Variants in CHKA observed in about 807,000 individuals in gnomAD.
The protein encoded by CHKA is choline kinase alpha.
A neutral mutation model predicts 60.1 loss-of-function variants in CHKA; 34 were observed. That is an observed-to-expected ratio of 0.57 (90% CI 0.43 to 0.75). The LOEUF (loss-of-function observed/expected upper bound fraction) is 0.75, where lower values mean the gene tolerates loss of function less well. Among genes scored for constraint, CHKA ranks in the 30% least tolerant of loss-of-function variants. The probability of loss-of-function intolerance (pLI) is 0.00; values close to 1 mark genes in which losing one functional copy is unlikely to be tolerated. For synonymous variants in CHKA, 217 were observed against 223.1 expected, an observed-to-expected ratio of 0.97 and a Z score of 0.24; for missense variants, 563 against 561.3, an observed-to-expected ratio of 1.00 and a Z score of -0.03.
chr11:68,095,783 T>C (rs1387718258), intron 2 of CHKA, among the ~76,000 whole-genome samples: 2 of 139,426 alleles, frequency 1.4e-5, no homozygotes, highest in Non-Finnish European at 3.1e-5. Flanking sequence ...GGCTCACACC[T>C]GTAATCCCAG....
At chr11:68,066,348 T>G in intron 8 of CHKA, 81 bp downstream of exon 8, 1 of 1,235,826 alleles carries the variant, frequency 8.1e-7, no homozygotes, top group South Asian at 1.3e-5. Context: ...TTTTGACTTA[T>G]TTTCTCTAAT....
chr11:68,055,679 A>G (rs1394869919), intron 11 of CHKA, among the ~76,000 whole-genome samples: 1 of 152,212 alleles, frequency 6.6e-6, no homozygotes. Context: ...ATGACTAATT[A>G]TACAAAACAC....
chr11:68,120,957 G>C lies in CHKA; in HGVS notation c.221C>G (p.Pro74Arg). The C allele has an allele frequency of 8.6e-7, 1 of 1,156,882 alleles. No homozygotes were observed. Among genetic ancestry groups the C allele is most frequent in the Non-Finnish European group, 1.1e-6 (1 of 936,896 alleles). 71.7% of individuals were successfully genotyped at this position (1,156,882 alleles called of 1,614,324 possible). A position where few individuals can be genotyped will look rare whatever the true frequency, so the allele number is the denominator to read the frequency against. ...PLPLPLPQPP[P>R]PQPPADEQPE... ...CTGCTCGTCTGCGGGCGGCTGCGGC[G>C]GCGGGGGCTGGGGCAGCGGCAGCGG... Residue 74 changes from proline to arginine, a missense_variant, in exon 1 of 12, where the codon CCG (proline) becomes CGG (arginine). By Grantham distance (103) the Pro-to-Arg change is moderately radical (BLOSUM62 -2). Transcript: ENST00000265689.
chr11:68,076,996 G>A (rs567359297), intron 3 of CHKA, among the ~76,000 whole-genome samples: 3 of 152,250 alleles, frequency 2.0e-5, no homozygotes, highest in East Asian at 3.9e-4. Flanking sequence ...CCAGCATTTC[G>A]GGAGGCTGAG....
intron 7 of CHKA, 125 bp from the exon 8 acceptor site, chr11:68,066,641 T>C (rs776301715): frequency 4.0e-6 from 3 of 757,696 alleles, no homozygotes; most frequent in African/African-American, 3.5e-5. Context: ...TTTTGGTCTG[T>C]GGACATCACC....
intron 1 of CHKA, among the ~76,000 whole-genome samples, chr11:68,105,158 A>G (rs541144701): frequency 4.6e-5 from 7 of 152,184 alleles, no homozygotes; most frequent in African/African-American, 1.7e-4. Context: ...CTATAAAACA[A>G]GAAAAACCCA....
intron 1 of CHKA, among the ~76,000 whole-genome samples, chr11:68,109,558 G>A (rs1029652180): frequency 1.2e-4 from 18 of 152,140 alleles, no homozygotes; most frequent in African/African-American, 4.1e-4. Flanking sequence ...CCACCTAAGC[G>A]GGGAGGAGAA....
At position 68,070,309 on chromosome 11, in the gene CHKA, C is replaced by A; in HGVS notation, c.765-16G>T. On this transcript the variant is annotated splice_polypyrimidine_tract_variant and intron_variant, in intron 5 of 11. Transcript: ENST00000265689. Reference sequence around the variant, plus strand: ...CTTTAGATACCTATTAAAAAATTTTCAAAAAAGAACAGAACAAAGAATCAC... The same window carrying A: ...CTTTAGATACCTATTAAAAAATTTTAAAAAAAGAACAGAACAAAGAATCAC... 6.6e-7 allele frequency: 1 copy of A among 1,509,890 alleles called. No homozygotes were observed. Among genetic ancestry groups the A allele is most frequent in the South Asian group, 1.1e-5 (1 of 88,182 alleles). 93.5% of individuals were successfully genotyped at this position (1,509,890 alleles called of 1,614,324 possible).
chr11:68,102,985 A>G (rs1857782297), intron 1 of CHKA, among the ~76,000 whole-genome samples: 2 of 151,658 alleles, frequency 1.3e-5, no homozygotes, highest in African/African-American at 4.9e-5. Context: ...AAAAAAAAAA[A>G]TATATTTGCC....
At chr11:68,080,191 C>T (rs1856934638) in intron 3 of CHKA, among the ~76,000 whole-genome samples, 1 of 152,152 alleles carries the variant, frequency 6.6e-6, no homozygotes, top group Non-Finnish European at 1.5e-5. Context: ...AAGGACTTCC[C>T]AGTCACTGTC....
intron 2 of CHKA, among the ~76,000 whole-genome samples, chr11:68,090,887 A>G (rs1429665589): frequency 6.6e-6 from 1 of 152,186 alleles, no homozygotes; most frequent in Non-Finnish European, 1.5e-5. Flanking sequence ...GTGGCTTAAC[A>G]CAGAGTCACT....
chr11:68,105,142 A>G (rs947649271), intron 1 of CHKA, among the ~76,000 whole-genome samples: 2 of 152,010 alleles, frequency 1.3e-5, no homozygotes, highest in Non-Finnish European at 2.9e-5. Context: ...GTTACATTCT[A>G]TAGCACTATA....
intron 1 of CHKA, among the ~76,000 whole-genome samples, chr11:68,103,891 A>AGCTG (rs1465786946): frequency 1.3e-5 from 2 of 151,996 alleles, no homozygotes; most frequent in African/African-American, 2.4e-5. Flanking sequence ...CCAGCCTGGG[A>AGCTG]GACAGAGCAA....
chr11:68,069,684 T>TAA (rs750513064), intron 6 of CHKA, among the ~76,000 whole-genome samples: 31 of 96,474 alleles, frequency 3.2e-4, no homozygotes, highest in Non-Finnish European at 5.1e-4. Flanking sequence ...CTCCGTCTTA[T>TAA]AAAAAAAAAA....
At chr11:68,100,604 C>A (rs11228130) in intron 1 of CHKA, among the ~76,000 whole-genome samples, 7,666 of 65,492 alleles carry the variant, frequency 0.12, 477 homozygotes, top group East Asian at 0.34. Context: ...TAAATAAATA[C>A]ATAAATAAAT....
At chr11:68,069,239 A>C (rs796502260) in intron 6 of CHKA, among the ~76,000 whole-genome samples, 7 of 152,170 alleles carry the variant, frequency 4.6e-5, no homozygotes, top group African/African-American at 1.4e-4. Context: ...CAGTGACCCA[A>C]GCAGGTCCTC....
intron 1 of CHKA, among the ~76,000 whole-genome samples, chr11:68,116,962 A>T (rs1858409188): frequency 6.6e-6 from 1 of 152,178 alleles, no homozygotes; most frequent in Non-Finnish European, 1.5e-5. Flanking sequence ...GCTAAAAATG[A>T]CAATTTCTAC....
chr11:68,110,934 G>T (rs369222569), intron 1 of CHKA, among the ~76,000 whole-genome samples: 132 of 151,286 alleles, frequency 8.7e-4, no homozygotes, highest in African/African-American at 2.3e-3. Flanking sequence ...GGAGGCGGAG[G>T]TTGCAGTGAG....
intron 4 of CHKA, 92 bp from the exon 5 acceptor site, chr11:68,070,949 T>G: frequency 7.5e-7 from 1 of 1,324,788 alleles, no homozygotes; most frequent in Non-Finnish European, 1.1e-6. Context: ...AGTGTTTTTG[T>G]AGTGCATTTA....
Sources: gnomAD v4.1 joint callset for allele counts (sites outside exome capture counted in the v4.1 genomes callset) on GRCh38, gnomAD v4.1.1 for gene constraint, MANE v1.5 for transcripts, NCBI Gene and HGNC (gene_info 2026-07-23, HGNC 2026-07-21) for gene names.